SIRPB1: variants seen among roughly 807,000 people sequenced by gnomAD.
SIRPB1 encodes the protein signal-regulatory protein beta-1.
Under a neutral mutation model 34.1 loss-of-function variants are expected in SIRPB1, and 28 were observed. The observed-to-expected ratio is 0.82, with a 90% CI of 0.61 to 1.12. The LOEUF (loss-of-function observed/expected upper bound fraction) is 1.12, where lower values mean the gene tolerates loss of function less well. SIRPB1 is among the 50% of genes most tolerant of loss of function. The pLI is 0.00. For synonymous variants in SIRPB1, 211 were observed against 203.8 expected, an observed-to-expected ratio of 1.04 and a Z score of -0.30; for missense variants, 499 against 507.0, an observed-to-expected ratio of 0.98 and a Z score of 0.15.
chr20:1,616,440 G>T (rs1049311581), intron 1 of SIRPB1, among the ~76,000 whole-genome samples: 1 of 152,178 alleles, frequency 6.6e-6, no homozygotes, highest in African/African-American at 2.4e-5. Flanking sequence ...TGACAAAAAT[G>T]TCAAGCAGAC....
chr20:1,565,526 T>C (rs1481361990), intron 5 of SIRPB1, 29 bp from the exon 6 acceptor site: 1 of 141,274 alleles, frequency 7.1e-6, no homozygotes, highest in African/African-American at 2.9e-5. Context: ...AGGAAGGAGC[T>C]GTTGGAAAAC....
intron 1 of SIRPB1, among the ~76,000 whole-genome samples, chr20:1,616,529 C>A (rs79462675): frequency 0.11 from 16,266 of 152,150 alleles, 1,102 homozygotes; most frequent in Middle Eastern, 0.17. Flanking sequence ...TAAAATTAGA[C>A]CTTCCTCTCA....
In SIRPB1 at chr20:1,573,003, A is replaced by G. The variant is rs1310158017; in HGVS notation, c.434-966T>C. Among the ~76,000 whole-genome samples the G allele has an allele frequency of 1.4e-5, 2 of 148,078 alleles. 1 individual carries two copies. The highest frequency in any genetic ancestry group is 3.0e-5 in the Non-Finnish European group (2 of 66,132). On this transcript the variant is annotated intron_variant, in intron 2 of 5. Transcript: ENST00000381605. ...CTGTTTCCAAAAACAACCTTTTGTG[A>G]AAATCCCCTATAAAAAACCTGTCCT...
intron 2 of SIRPB1, among the ~76,000 whole-genome samples, chr20:1,577,717 C>T (rs6135335): frequency 0.17 from 24,942 of 145,830 alleles, 4,492 homozygotes; most frequent in East Asian, 0.61. Context: ...CAGATTCAAC[C>T]GTGAATGTGC....
At chr20:1,618,084 TAA>T (rs1237075887) in intron 1 of SIRPB1, among the ~76,000 whole-genome samples, 14 of 152,180 alleles carry the variant, frequency 9.2e-5, no homozygotes, top group Non-Finnish European at 1.8e-4. Flanking sequence ...TGATAGTATA[TAA>T]GTTTGTTTTG....
intron 1 of SIRPB1, 107 bp from the exon 2 acceptor site, chr20:1,578,801 G>A: frequency 1.0e-6 from 1 of 957,920 alleles, no homozygotes; most frequent in East Asian, 2.4e-5. Flanking sequence ...CCAGGAAAAG[G>A]CCTTGAGCTC....
intron 2 of SIRPB1, among the ~76,000 whole-genome samples, chr20:1,576,193 G>A (rs2091306911): frequency 6.8e-6 from 1 of 147,558 alleles, no homozygotes; most frequent in South Asian, 2.1e-4. Context: ...GGCACCACCT[G>A]GGCATTTCAG....
intron 3 of SIRPB1, 36 bp downstream of exon 3, chr20:1,571,684 A>C: frequency 6.2e-7 from 1 of 1,612,762 alleles, no homozygotes; most frequent in Non-Finnish European, 8.5e-7. Flanking sequence ...CTTGGCAGCC[A>C]GGTGTGGGCT....
chr20:1,572,186 G>C, intron 2 of SIRPB1, 149 bp from the exon 3 acceptor site: 1 of 1,333,364 alleles, frequency 7.5e-7, no homozygotes, highest in South Asian at 1.4e-5. Flanking sequence ...TCATTTTACA[G>C]ATCAGGACAC....
At chr20:1,577,602 G>C (rs182496710) in intron 2 of SIRPB1, among the ~76,000 whole-genome samples, 1 of 146,922 alleles carries the variant, frequency 6.8e-6, no homozygotes, top group Non-Finnish European at 1.5e-5. Flanking sequence ...GCTCTGCTCG[G>C]AGCCCATGGT....
At chr20:1,566,918 C>A (rs1251318159) in intron 4 of SIRPB1, among the ~76,000 whole-genome samples, 1 of 152,012 alleles carries the variant, frequency 6.6e-6, no homozygotes, top group African/African-American at 2.4e-5. Context: ...AGGGAATGTG[C>A]CTCGGGCTTG....
At chr20:1,614,629 T>A (rs1314712685) in intron 1 of SIRPB1, among the ~76,000 whole-genome samples, 2 of 152,112 alleles carry the variant, frequency 1.3e-5, no homozygotes, top group Non-Finnish European at 2.9e-5. Context: ...CTGCATGGCC[T>A]GCCCTACTTC....
chr20:1,587,710 C>A lies in SIRPB1; in HGVS notation c.77-9016G>T, dbSNP rs949589100. On this transcript the variant is annotated intron_variant, in intron 1 of 5. Coordinates refer to ENST00000381605, the MANE Select transcript of SIRPB1 (RefSeq NM_006065.5). ...TGAGTTCATTGGGGTGGGCCTTAAT[C>A]CAATACGATTGATGGTCTCATAAGA... Among the ~76,000 whole-genome samples the A allele has an allele frequency of 4.1e-5, 2 of 48,782 alleles. 1 individual carries two copies. The highest frequency in any genetic ancestry group is 2.7e-4 in the Admixed American group (2 of 7,276). The allele number at this position is 48,782 out of a possible 152,430, so 32.0% of individuals were successfully genotyped here.
At chr20:1,618,339 T>C (rs2091660746) in intron 1 of SIRPB1, among the ~76,000 whole-genome samples, 1 of 152,192 alleles carries the variant, frequency 6.6e-6, no homozygotes, top group Non-Finnish European at 1.5e-5. Flanking sequence ...AGAATGAACT[T>C]TGGAGCCGGT....
chr20:1,568,208 G>A (rs1190055871), intron 4 of SIRPB1, among the ~76,000 whole-genome samples: 1 of 152,120 alleles, frequency 6.6e-6, no homozygotes, highest in East Asian at 1.9e-4. Flanking sequence ...CACAATCCAG[G>A]CCCTAAATAT....
chr20:1,579,549 GCGTGAATGAC>G (rs1223063772), intron 1 of SIRPB1, among the ~76,000 whole-genome samples: 1 of 148,684 alleles, frequency 6.7e-6, no homozygotes, highest in Non-Finnish European at 1.5e-5. Context: ...TCGCCTGGAT[GCGTGAATGAC>G]CGTTGCATGC....
intron 1 of SIRPB1, among the ~76,000 whole-genome samples, chr20:1,616,099 C>T (rs1450300837): frequency 6.6e-6 from 1 of 152,150 alleles, no homozygotes; most frequent in Non-Finnish European, 1.5e-5. Flanking sequence ...GATATCCATG[C>T]TTGTGGATTA....
chr20:1,569,473 C>G (rs373053185), intron 4 of SIRPB1, among the ~76,000 whole-genome samples: 1 of 152,224 alleles, frequency 6.6e-6, no homozygotes, highest in African/African-American at 2.4e-5. Context: ...CAGGTGCATG[C>G]GTGAGCAAGT....
intron 4 of SIRPB1, among the ~76,000 whole-genome samples, chr20:1,570,018 G>A (rs1334477543): frequency 3.3e-5 from 5 of 152,220 alleles, no homozygotes; most frequent in Non-Finnish European, 7.3e-5. Context: ...TCCCATTATA[G>A]CCTGGTAGTG....
Sources: gnomAD v4.1 joint callset for allele counts (sites outside exome capture counted in the v4.1 genomes callset) on GRCh38, gnomAD v4.1.1 for gene constraint, MANE v1.5 for transcripts, NCBI Gene and HGNC (gene_info 2026-07-23, HGNC 2026-07-21) for gene names.